The following IL20RB variants were observed in gnomAD, a reference collection of about 807,000 sequenced individuals.
The protein encoded by IL20RB is interleukin 20 receptor subunit beta, also known as interleukin-20 receptor subunit beta.
A neutral mutation model predicts 33.3 loss-of-function variants in IL20RB; 21 were observed. The observed-to-expected ratio is 0.63, with a 90% CI of 0.45 to 0.91. The LOEUF is 0.91. Ranked by LOEUF, IL20RB falls within the 40% of genes least tolerant of loss-of-function variation. The probability of loss-of-function intolerance (pLI) is 0.00; values close to 1 mark genes in which losing one functional copy is unlikely to be tolerated. For missense variants in IL20RB, 345 were observed against 384.8 expected, an observed-to-expected ratio of 0.90 and a Z score of 0.86; for synonymous variants, 147 against 146.8, an observed-to-expected ratio of 1.00 and a Z score of -0.01.
At chr3:137,001,732 A>T (rs1942246811) in intron 6 of IL20RB, among the ~76,000 whole-genome samples, 1 of 152,168 alleles carries the variant, frequency 6.6e-6, no homozygotes, top group Non-Finnish European at 1.5e-5. Flanking sequence ...ATATGACATT[A>T]AGAATTTTTT....
intron 3 of IL20RB, among the ~76,000 whole-genome samples, chr3:136,984,526 T>C (rs576721337): frequency 2.0e-5 from 3 of 152,006 alleles, no homozygotes; most frequent in South Asian, 2.1e-4. Flanking sequence ...TTGTGAAAGA[T>C]GGTGGAAGAA....
chr3:136,962,497 T>C (rs1941248497), intron 1 of IL20RB, among the ~76,000 whole-genome samples: 1 of 152,166 alleles, frequency 6.6e-6, no homozygotes, highest in Non-Finnish European at 1.5e-5. Flanking sequence ...CTCATGCCTG[T>C]AATCCCAGCA....
intron 6 of IL20RB, among the ~76,000 whole-genome samples, chr3:136,999,366 G>A (rs942640739): frequency 3.9e-5 from 6 of 152,094 alleles, no homozygotes; most frequent in African/African-American, 1.2e-4. Flanking sequence ...AAAGTGCTGG[G>A]ATTATAGGCA....
chr3:136,986,391 G>C (rs1941899528), intron 3 of IL20RB, among the ~76,000 whole-genome samples: 1 of 152,174 alleles, frequency 6.6e-6, no homozygotes, highest in South Asian at 2.1e-4. Context: ...TGAAACTTCA[G>C]ATTATTTTCT....
chr3:136,997,515 A>T (rs1011104097), intron 6 of IL20RB, among the ~76,000 whole-genome samples: 1 of 149,946 alleles, frequency 6.7e-6, no homozygotes, highest in African/African-American at 2.4e-5. Flanking sequence ...GGAGTCTTTT[A>T]TCATTATGAT....
In IL20RB at chr3:137,010,622, G is replaced by T; in HGVS notation, c.*399G>T. On this transcript the variant is annotated 3_prime_UTR_variant, in exon 7 of 7. Coordinates refer to ENST00000329582, the MANE Select transcript of IL20RB (RefSeq NM_144717.4). ...GCACTTGCAAGGCTAGAGGGAAACT[G>T]GTGACACTCTACAGTCTGACTGATT... The T allele has an allele frequency of 6.3e-6, 1 of 159,022 alleles. No homozygotes were observed. Among genetic ancestry groups the T allele is most frequent in the Admixed American group, 6.2e-5 (1 of 16,006 alleles). The allele number at this position is 159,022 out of a possible 1,614,324, so 9.9% of individuals were successfully genotyped here.
chr3:137,007,270 G>A (rs181882864), intron 6 of IL20RB, among the ~76,000 whole-genome samples: 3 of 152,296 alleles, frequency 2.0e-5, no homozygotes, highest in East Asian at 1.9e-4. Flanking sequence ...GAGGCAGTCT[G>A]TCTGTTCTCG....
chr3:136,969,979 A>T (rs1400258270), intron 1 of IL20RB, among the ~76,000 whole-genome samples: 1 of 150,496 alleles, frequency 6.6e-6, no homozygotes, highest in Non-Finnish European at 1.5e-5. Flanking sequence ...TATATTTTAC[A>T]TTTTTTTGCA....
intron 6 of IL20RB, among the ~76,000 whole-genome samples, chr3:137,004,236 A>ATTG (rs1421405483): frequency 6.6e-6 from 1 of 151,928 alleles, no homozygotes; most frequent in African/African-American, 2.4e-5. Flanking sequence ...TTTTGTGTGT[A>ATTG]TGTCTCTGCC....
Position 136,991,931 on chromosome 3 carries a change from G to T in IL20RB, c.532-7G>T. 6.2e-7 allele frequency: 1 copy of T among 1,613,784 alleles called. No individual in the cohort carries two copies. The highest frequency in any genetic ancestry group is 8.5e-7 in the Non-Finnish European group (1 of 1,179,782). ...GGCCAATAACTGTGTTTTCTGGTCT[G>T]TCAAAGGAACATGTCAAAATGGTGA... On this transcript the variant is annotated splice_polypyrimidine_tract_variant and splice_region_variant and intron_variant, in intron 4 of 6. Coordinates refer to ENST00000329582, the MANE Select transcript of IL20RB (RefSeq NM_144717.4).
At chr3:136,993,323 A>C (rs543730237) in intron 5 of IL20RB, among the ~76,000 whole-genome samples, 1 of 152,214 alleles carries the variant, frequency 6.6e-6, no homozygotes, top group Non-Finnish European at 1.5e-5. Context: ...GCTCACACAC[A>C]TAGATGGGAT....
In IL20RB at chr3:136,982,366, C is replaced by A; in HGVS notation, c.406+16C>A. ...AGAAACTCAAGTAAGGCACTTCTCT[C>A]CTTACACTCCCACCCCAACCAGCCC... On this transcript the variant is annotated intron_variant, in intron 3 of 6. Coordinates refer to ENST00000329582, the MANE Select transcript of IL20RB (RefSeq NM_144717.4). 2 of 1,544,060 alleles carry A rather than the reference C, an allele frequency of 1.3e-6. No individual in the cohort carries two copies. The highest frequency in any genetic ancestry group is 1.2e-5 in the South Asian group (1 of 84,418).
chr3:136,987,850 CG>C (rs1439215305), intron 3 of IL20RB, among the ~76,000 whole-genome samples: 3 of 152,200 alleles, frequency 2.0e-5, no homozygotes, highest in African/African-American at 7.2e-5. Context: ...CCCTCATTGC[CG>C]GGGCCGGCAG....
intron 6 of IL20RB, 29 bp from the exon 7 acceptor site, chr3:137,010,084 A>G: frequency 1.0e-6 from 1 of 993,252 alleles, no homozygotes; most frequent in East Asian, 2.4e-5. Context: ...GCTATCCTCT[A>G]ATGAATATTA....
chr3:136,986,438 C>T (rs1390377280), intron 3 of IL20RB, among the ~76,000 whole-genome samples: 1 of 152,044 alleles, frequency 6.6e-6, no homozygotes, highest in Non-Finnish European at 1.5e-5. Context: ...GATCAGAAGA[C>T]CCAATTCTGA....
intron 1 of IL20RB, among the ~76,000 whole-genome samples, chr3:136,979,337 A>C (rs1941711085): frequency 6.6e-6 from 1 of 152,210 alleles, no homozygotes; most frequent in African/African-American, 2.4e-5. Flanking sequence ...CTTTGTGGTC[A>C]CAGGGCTTGA....
intron 3 of IL20RB, 98 bp from the exon 4 acceptor site, chr3:136,989,343 G>A (rs1276745915): frequency 2.1e-6 from 3 of 1,423,130 alleles, no homozygotes; most frequent in African/African-American, 2.8e-5. Context: ...CTCTCCTACG[G>A]AGACGGACAT....
intron 1 of IL20RB, among the ~76,000 whole-genome samples, chr3:136,961,953 A>C (rs1941229477): frequency 6.6e-6 from 1 of 152,210 alleles, no homozygotes; most frequent in African/African-American, 2.4e-5. Flanking sequence ...ATTGGCCAAA[A>C]GCTAGAACAA....
At chr3:137,007,867 A>G (rs577071340) in intron 6 of IL20RB, among the ~76,000 whole-genome samples, 12 of 152,306 alleles carry the variant, frequency 7.9e-5, no homozygotes, top group African/African-American at 2.9e-4. Flanking sequence ...CATCTTCTGC[A>G]TGGCTCACAC....
Sources: allele counts gnomAD v4.1 joint callset (sites outside exome capture counted in the v4.1 genomes callset), GRCh38; gene constraint gnomAD v4.1.1; transcripts MANE v1.5; gene names NCBI Gene and HGNC (gene_info 2026-07-23, HGNC 2026-07-21).